The following KCNIP4 variants were observed in gnomAD, a reference collection of about 807,000 sequenced individuals.
The protein encoded by KCNIP4 is Kv channel-interacting protein 4.
A neutral mutation model predicts 34.0 loss-of-function variants in KCNIP4; 12 were observed. That is an observed-to-expected ratio of 0.35 (90% CI 0.23 to 0.57). The LOEUF (loss-of-function observed/expected upper bound fraction) is 0.57. KCNIP4 is among the 20% of genes least tolerant of loss of function. The pLI, the probability that KCNIP4 is intolerant of heterozygous loss-of-function variation, is 0.83. For missense variants in KCNIP4, 238 were observed against 311.7 expected (o/e 0.76, Z 1.78); for synonymous variants, 124 against 102.2 (o/e 1.21, Z -1.29).
rs1171472709 is a variant in KCNIP4 at position 21,263,690 on chromosome 4, C to T, written c.62-380981G>A. Among the ~76,000 whole-genome samples, 11 of 152,174 alleles carry T rather than the reference C, an allele frequency of 7.2e-5. No individual in the cohort carries two copies. In the East Asian group the frequency reaches 2.1e-3, roughly 29 times the overall value. Reference sequence around the variant, plus strand: ...AATTTTTTAATTTTATTTTTTGCGACAGGGTCTCACTGTGTCATGCAGGCT... The same window carrying T: ...AATTTTTTAATTTTATTTTTTGCGATAGGGTCTCACTGTGTCATGCAGGCT... On this transcript the variant is annotated intron_variant, in intron 1 of 8. Transcript: ENST00000382152.
intron 1 of KCNIP4, chr4:20,984,186 C>G (rs1736361461): frequency 2.1e-6 from 1 of 475,044 alleles, no homozygotes; most frequent in Admixed American, 3.8e-5. Flanking sequence ...CCTCTCCACT[C>G]TATGCTGCAG....
intron 1 of KCNIP4, among the ~76,000 whole-genome samples, chr4:21,206,929 A>T (rs916442066): frequency 6.6e-5 from 10 of 152,182 alleles, no homozygotes; most frequent in African/African-American, 2.4e-4. Flanking sequence ...AGAGTTCTAC[A>T]TGTTTATGAG....
chr4:21,158,148 C>G lies in KCNIP4; in HGVS notation c.62-275439G>C, dbSNP rs372458452. Among the ~76,000 whole-genome samples the G allele has an allele frequency of 1.4e-4, 22 of 152,226 alleles. No homozygotes were observed. In the East Asian group the frequency reaches 3.9e-3, roughly 27 times the overall value. On this transcript the variant is annotated intron_variant, in intron 1 of 8. Coordinates refer to ENST00000382152, the MANE Select transcript of KCNIP4 (RefSeq NM_025221.6). Reference sequence around the variant, plus strand: ...TAAATAACCCTGTATCTGTTAAACACATTAAAGTTACAGTTAAAAAATTTC... The same window carrying G: ...TAAATAACCCTGTATCTGTTAAACAGATTAAAGTTACAGTTAAAAAATTTC...
chr4:21,832,974 T>C (rs1723090330), intron 1 of KCNIP4, among the ~76,000 whole-genome samples: 1 of 148,524 alleles, frequency 6.7e-6, no homozygotes, highest in Non-Finnish European at 1.5e-5. Context: ...CCACATTTTC[T>C]TAATCCACTC....
intron 1 of KCNIP4, among the ~76,000 whole-genome samples, chr4:20,988,526 A>C (rs2149702603): frequency 6.6e-6 from 1 of 152,336 alleles, no homozygotes; most frequent in South Asian, 2.1e-4. Flanking sequence ...TCGGTTAAGA[A>C]ATATTCTTCA....
chr4:21,374,711 T>A (rs1159548057), intron 1 of KCNIP4, among the ~76,000 whole-genome samples: 1 of 147,672 alleles, frequency 6.8e-6, no homozygotes, highest in Non-Finnish European at 1.5e-5. Flanking sequence ...AAATGTATCT[T>A]ATATAAAATG....
At chr4:20,935,206 T>C (rs1426028969) in intron 1 of KCNIP4, among the ~76,000 whole-genome samples, 2 of 152,202 alleles carry the variant, frequency 1.3e-5, no homozygotes, top group Non-Finnish European at 2.9e-5. Context: ...ATTTTTGAGA[T>C]ACACTATTCC....
At chr4:21,930,026 C>T (rs896308268) in intron 1 of KCNIP4, among the ~76,000 whole-genome samples, 3 of 152,058 alleles carry the variant, frequency 2.0e-5, no homozygotes, top group African/African-American at 2.4e-5. Context: ...CTCTTCTGTT[C>T]GCATGGCTGT....
At chr4:20,968,569 C>T (rs1416522521) in intron 1 of KCNIP4, among the ~76,000 whole-genome samples, 3 of 152,064 alleles carry the variant, frequency 2.0e-5, no homozygotes, top group Non-Finnish European at 4.4e-5. Context: ...AAATGTGGCA[C>T]ATATACACCA....
chr4:20,744,222 C>A lies in KCNIP4; in HGVS notation c.429+5440G>T, dbSNP rs189457742. Among the ~76,000 whole-genome samples, 33 of 152,282 alleles carry A rather than the reference C, an allele frequency of 2.2e-4. No homozygotes were observed. In the East Asian group the frequency reaches 3.7e-3, roughly 17 times the overall value. ...CTGGTGACTCCTCAAGGAGCTAGAA[C>A]TAGAAATACCATTTGACCCAGCAAT... is the stretch of plus-strand genomic sequence containing the variant. On this transcript the variant is annotated intron_variant, in intron 5 of 8. Transcript: ENST00000382152.
chr4:20,909,516 C>A (rs1036592758), intron 1 of KCNIP4, among the ~76,000 whole-genome samples: 1 of 152,156 alleles, frequency 6.6e-6, no homozygotes, highest in African/African-American at 2.4e-5. Context: ...CCCCAAAGCA[C>A]CCAGTGAATG....
At chr4:21,628,379 G>A (rs1745478480) in intron 1 of KCNIP4, among the ~76,000 whole-genome samples, 1 of 152,012 alleles carries the variant, frequency 6.6e-6, no homozygotes, top group Admixed American at 6.6e-5. Context: ...TAAACTACTG[G>A]CTCTTCAGAA....
chr4:21,358,508 C>A (rs1029566943), intron 1 of KCNIP4, among the ~76,000 whole-genome samples: 7 of 152,064 alleles, frequency 4.6e-5, no homozygotes, highest in Non-Finnish European at 8.8e-5. Context: ...AAGACCAAAA[C>A]AGTGATATGC....
intron 1 of KCNIP4, among the ~76,000 whole-genome samples, chr4:21,424,052 C>T (rs545099575): frequency 6.6e-6 from 1 of 151,238 alleles, no homozygotes; most frequent in East Asian, 2.0e-4. Context: ...AGCTCCTGAC[C>T]TCATGATCCA....
In KCNIP4 at chr4:20,972,210, AT is replaced by A. The variant is rs1436875892; in HGVS notation, c.62-89502del. On this transcript the variant is annotated intron_variant, in intron 1 of 8. Coordinates refer to ENST00000382152, the MANE Select transcript of KCNIP4 (RefSeq NM_025221.6). Reference sequence around the variant, plus strand: ...CTTTTTCCAAACTCCTGTTAGTGTTATTTTAACCTCCAGTAATGAATTGTGG... The same window carrying A: ...CTTTTTCCAAACTCCTGTTAGTGTTATTTAACCTCCAGTAATGAATTGTGG... 7.2e-5 allele frequency among the ~76,000 whole-genome samples: 11 copies of A among 152,142 alleles called. No individual in the cohort carries two copies. The East Asian group carries it at 2.1e-3, about 29-fold the overall frequency.
At chr4:21,352,028 G>A (rs1718053511) in intron 1 of KCNIP4, among the ~76,000 whole-genome samples, 1 of 152,074 alleles carries the variant, frequency 6.6e-6, no homozygotes. Context: ...AGGCCATTTG[G>A]TTGAATAATT....
At chr4:21,711,624 C>A (rs75667275) in intron 1 of KCNIP4, among the ~76,000 whole-genome samples, 1 of 151,934 alleles carries the variant, frequency 6.6e-6, no homozygotes, top group East Asian at 1.9e-4. Context: ...TACAGATTAA[C>A]GAAAAACTGA....
chr4:21,518,442 C>G (rs1030538101), intron 1 of KCNIP4, among the ~76,000 whole-genome samples: 1 of 152,134 alleles, frequency 6.6e-6, no homozygotes, highest in Admixed American at 6.6e-5. Flanking sequence ...ATAGGCTGAA[C>G]AGCAACCTGC....
At chr4:20,740,824 C>T (rs962954650) in intron 5 of KCNIP4, among the ~76,000 whole-genome samples, 1 of 152,012 alleles carries the variant, frequency 6.6e-6, no homozygotes, top group Admixed American at 6.5e-5. Flanking sequence ...TTCAGGAGAC[C>T]CATCTCGCCT....
Sources: allele counts gnomAD v4.1 joint callset (sites outside exome capture counted in the v4.1 genomes callset), GRCh38; gene constraint gnomAD v4.1.1; transcripts MANE v1.5; gene names NCBI Gene and HGNC (gene_info 2026-07-23, HGNC 2026-07-21).